Variants in LINGO1 observed in about 807,000 individuals in gnomAD.
LINGO1 encodes the protein leucine-rich repeat and immunoglobulin-like domain-containing nogo receptor-interacting protein 1.
LINGO1 carries 11 observed loss-of-function variants against 37.3 expected under a neutral mutation model. The ratio of observed to expected loss-of-function variants is 0.29; its 90% CI spans 0.19 to 0.49. The LOEUF (loss-of-function observed/expected upper bound fraction) is 0.49. Among genes scored for constraint, LINGO1 ranks in the 20% least tolerant of loss-of-function variants. LINGO1 has a pLI of 0.99. For synonymous variants in LINGO1, 387 were observed against 403.0 expected (o/e 0.96, Z 0.48); for missense variants, 585 against 878.2 (o/e 0.67, Z 4.22).
At position 77,615,583 on chromosome 15, in the gene LINGO1, G is replaced by A. The variant is rs777483987; in HGVS notation, c.324C>T (p.Ser108=). Residue 108 remains serine (S), a synonymous_variant, in exon 2 of 2, where the codon AGC becomes AGT. Coordinates refer to ENST00000355300, the MANE Select transcript of LINGO1 (RefSeq NM_032808.7). The stretch of plus-strand genomic sequence containing the variant: ...TGTTGAAGGCGCCGGGCTCCACGGC[G>A]CTCACGATGTTCTCGTTGAGCTCCA... The part of the protein sequence containing the change: ...EELELNENIV[S]AVEPGAFNNL... 90 of 1,611,216 alleles carry A rather than the reference G, an allele frequency of 5.6e-5. No individual in the cohort carries two copies. The Middle Eastern group carries it at 6.6e-4, about 12-fold the overall frequency.
intron 1 of LINGO1, among the ~76,000 whole-genome samples, chr15:77,752,109 C>A (rs560764659): frequency 3.9e-5 from 6 of 152,220 alleles, no homozygotes; most frequent in African/African-American, 1.2e-4. Context: ...CCTTTCGTTA[C>A]CCCATGCTGC....
rs1431830197 is a variant in LINGO1 at position 77,748,905 on chromosome 15, T to TTC, written c.-256-13854_-256-13853dup. On this transcript the variant is annotated intron_variant, in intron 1 of 3. Coordinates refer to the LINGO1 transcript ENST00000561686. ...TTATTTATTTATTTTCCTTCCTTCC[T>TTC]TCTCTTTTTTTTTTTTTTTTTTTTT... Among the ~76,000 whole-genome samples the TTC allele has an allele frequency of 7.6e-3, 852 of 112,128 alleles. 24 individuals are homozygous for TTC. The highest frequency in any genetic ancestry group is 0.026 in the African/African-American group (809 of 31,192). The allele number at this position is 112,128 out of a possible 152,430, so 73.6% of individuals were successfully genotyped here. A position where few individuals can be genotyped will look rare whatever the true frequency, so the allele number is the denominator to read the frequency against.
chr15:77,619,458 G>A (rs181088756), intron 1 of LINGO1, among the ~76,000 whole-genome samples: 1 of 152,214 alleles, frequency 6.6e-6, no homozygotes, highest in Non-Finnish European at 1.5e-5. Context: ...GTTGAGGCAG[G>A]AGGATCACCT....
At chr15:77,743,799 G>A (rs1344169350) in intron 1 of LINGO1, among the ~76,000 whole-genome samples, 1 of 151,586 alleles carries the variant, frequency 6.6e-6, no homozygotes, top group East Asian at 1.9e-4. Flanking sequence ...TGAAGGGGGT[G>A]CTGCTGAAAG....
At chr15:77,732,211 T>C (rs2076160358) in intron 2 of LINGO1, among the ~76,000 whole-genome samples, 2 of 152,102 alleles carry the variant, frequency 1.3e-5, no homozygotes, top group African/African-American at 2.4e-5. Flanking sequence ...TACTGCTAGG[T>C]CCACCCACAG....
At chr15:77,694,869 C>G (rs534430304) in intron 1 of LINGO1, among the ~76,000 whole-genome samples, 1 of 152,352 alleles carries the variant, frequency 6.6e-6, no homozygotes, top group Non-Finnish European at 1.5e-5. Flanking sequence ...TCCTACCAGA[C>G]AGGCAGAGAG....
chr15:77,656,450 G>T (rs1419309877), intron 3 of LINGO1, among the ~76,000 whole-genome samples: 1 of 152,186 alleles, frequency 6.6e-6, no homozygotes, highest in African/African-American at 2.4e-5. Flanking sequence ...CCCAAAAGAG[G>T]AAATGCCAGT....
chr15:77,702,821 A>G (rs2075802126), intron 2 of LINGO1, among the ~76,000 whole-genome samples: 2 of 152,330 alleles, frequency 1.3e-5, no homozygotes, highest in Middle Eastern at 3.4e-3. Context: ...CTTCAGCGGC[A>G]TGGCTGTGTT....
At chr15:77,809,914 T>TG (rs1397580990) in intron 1 of LINGO1, among the ~76,000 whole-genome samples, 4 of 152,154 alleles carry the variant, frequency 2.6e-5, no homozygotes, top group African/African-American at 9.7e-5. Flanking sequence ...AGGCTTGCTG[T>TG]GGGTCTGGTG....
rs1297608707 is a variant in LINGO1 at position 77,769,952 on chromosome 15, C to A, written c.-257+16917G>T. The stretch of plus-strand genomic sequence containing the variant: ...ACTCAGTGTGGTTTTGTGACTTGTC[C>A]ACAGAAACACTGCAGTAAATGGTGG... On this transcript the variant is annotated intron_variant, in intron 1 of 3. Coordinates refer to the LINGO1 transcript ENST00000561686. Among the ~76,000 whole-genome samples, 3 of 152,224 alleles carry A rather than the reference C, an allele frequency of 2.0e-5. No homozygotes were observed. In the East Asian group the frequency reaches 5.8e-4, roughly 29 times the overall value.
At position 77,615,028 on chromosome 15, in the gene LINGO1, G is replaced by A. The variant is rs147945636; in HGVS notation, c.879C>T (p.Asn293=). ...TGGTGCTGATGGGGTTGTAGGAGAG[G>A]TTGAGGAAGCGGAGATAGACTAGGT... is the stretch of plus-strand genomic sequence containing the variant. ...VRHLVYLRFL[N]LSYNPISTIE... is the part of the protein sequence containing the mutation. The change falls in exon 2 of 2, where the codon AAC becomes AAT. Residue 293 remains asparagine (N), a synonymous_variant. Coordinates refer to ENST00000355300, the MANE Select transcript of LINGO1 (RefSeq NM_032808.7). The A allele has an allele frequency of 1.1e-4, 175 of 1,614,046 alleles. No individual in the cohort carries two copies. The East Asian group carries it at 3.0e-3, about 28-fold the overall frequency.
chr15:77,720,891 C>T (rs554297731), intron 2 of LINGO1: 3 of 152,350 alleles, frequency 2.0e-5, no homozygotes, highest in African/African-American at 7.2e-5. Context: ...TCAGCAAAGC[C>T]TCCCCGCCTC....
At chr15:77,776,882 G>C (rs1239011581) in intron 1 of LINGO1, among the ~76,000 whole-genome samples, 1 of 152,114 alleles carries the variant, frequency 6.6e-6, no homozygotes, top group African/African-American at 2.4e-5. Context: ...TCATTTTATA[G>C]ACACGACACT....
In LINGO1 at chr15:77,615,407, T is replaced by C; in HGVS notation, c.500A>G (p.Tyr167Cys). ...GCCAACCTCCAGTGACTTGAGGTTG[T>C]ACAGGTCCTGAAACATGTAGTCCAG... Reference protein sequence around the residue: ...ILLDYMFQDLYNLKSLEVGDN... With the variant: ...ILLDYMFQDLCNLKSLEVGDN... The change falls in exon 2 of 2, where the codon TAC becomes TGC. Residue 167 changes from tyrosine to cysteine, a missense_variant. Around this residue, in one of 4 missense-constraint regions of LINGO1, gnomAD observed 484 missense variants for 735.0 expected, o/e 0.66. Coordinates refer to ENST00000355300, the MANE Select transcript of LINGO1 (RefSeq NM_032808.7). The C allele has an allele frequency of 6.2e-7, 1 of 1,614,004 alleles. No homozygotes were observed.
chr15:77,774,262 G>A (rs922076104), intron 1 of LINGO1, among the ~76,000 whole-genome samples: 1 of 152,004 alleles, frequency 6.6e-6, no homozygotes, highest in Non-Finnish European at 1.5e-5. Flanking sequence ...TCAAACAGCT[G>A]GCACTGGCCT....
chr15:77,770,584 T>C (rs1232960804), intron 1 of LINGO1, among the ~76,000 whole-genome samples: 2 of 90,684 alleles, frequency 2.2e-5, no homozygotes, highest in African/African-American at 9.2e-5. Flanking sequence ...CGAGACTCTG[T>C]CTCAAAAAAA....
At chr15:77,716,395 C>T (rs1240656464) in intron 2 of LINGO1, among the ~76,000 whole-genome samples, 1 of 148,262 alleles carries the variant, frequency 6.7e-6, no homozygotes, top group Non-Finnish European at 1.5e-5. Context: ...ATCCTCCCAT[C>T]CAAGCCTCGC....
chr15:77,762,760 C>T (rs1001926910), intron 1 of LINGO1, among the ~76,000 whole-genome samples: 1 of 152,200 alleles, frequency 6.6e-6, no homozygotes, highest in Non-Finnish European at 1.5e-5. Flanking sequence ...TTCCCTGACC[C>T]ACCACCCGAG....
At chr15:77,700,733 G>A (rs543832837), upstream of LINGO1, among the ~76,000 whole-genome samples, 4 of 152,304 alleles carry the variant, frequency 2.6e-5, no homozygotes, top group African/African-American at 7.2e-5. Flanking sequence ...GAGCAGGGGC[G>A]GGTAGGGGAG....
Sources: allele counts gnomAD v4.1 joint callset (sites outside exome capture counted in the v4.1 genomes callset), GRCh38; gene constraint gnomAD v4.1.1; regional missense constraint gnomAD v4.1.1; transcripts MANE v1.5; gene names NCBI Gene and HGNC (gene_info 2026-07-23, HGNC 2026-07-21).